ZNF708: variants seen among roughly 807,000 people sequenced by gnomAD.
The protein encoded by ZNF708 is ZNF15, ZNF15L1.
In ZNF708, 44 loss-of-function variants were observed where a neutral mutation model predicts 47.0. That is an observed-to-expected ratio of 0.94 (90% CI 0.74 to 1.20). The LOEUF (loss-of-function observed/expected upper bound fraction) is 1.20, where lower values mean the gene tolerates loss of function less well. Ranked by LOEUF, ZNF708 falls within the 50% of genes most tolerant of loss-of-function variation. ZNF708 has a pLI of 0.00. For synonymous variants in ZNF708, 184 were observed against 218.5 expected (o/e 0.84, Z 1.39); for missense variants, 557 against 656.0 (o/e 0.85, Z 1.65).
chr19:21,312,846 C>T (rs946225010), intron 1 of ZNF708, among the ~76,000 whole-genome samples: 2 of 152,252 alleles, frequency 1.3e-5, no homozygotes, highest in African/African-American at 4.8e-5. Context: ...CAAATAAAGA[C>T]AACCCATCTT....
chr19:21,303,891 T>C (rs1397054700), intron 3 of ZNF708, among the ~76,000 whole-genome samples: 2 of 152,046 alleles, frequency 1.3e-5, no homozygotes, highest in African/African-American at 2.4e-5. Flanking sequence ...TATATGTATG[T>C]ATGTATAAAA....
Position 21,293,977 on chromosome 19 carries a change from T to C in ZNF708, c.989A>G (p.His330Arg). The change falls in exon 4 of 4, where the codon CAT (histidine) becomes CGT (arginine). Residue 330 changes from histidine (H) to arginine (R), a missense_variant. Transcript: ENST00000356929. The stretch of plus-strand genomic sequence containing the variant: ...ACATTTGTAGGGTTTCTCACCAGTA[T>C]GAATCCTCTTATGTGTAGTAAGGTG... The part of the protein sequence containing the change: ...SSHLTTHKRI[H>R]TGEKPYKCEE... 1 of 1,613,034 alleles carries C rather than the reference T, an allele frequency of 6.2e-7. No individual in the cohort carries two copies.
intron 3 of ZNF708, among the ~76,000 whole-genome samples, chr19:21,304,421 G>T (rs1212202893): frequency 6.6e-6 from 1 of 152,056 alleles, no homozygotes; most frequent in Non-Finnish European, 1.5e-5. Flanking sequence ...TTATATTGCA[G>T]CATGAGGTTT....
In ZNF708 at chr19:21,296,217, G is replaced by A. The variant is rs1972523260; in HGVS notation, c.227-1478C>T. On this transcript the variant is annotated intron_variant, in intron 3 of 3. Transcript: ENST00000356929. ...GTGAAAATAATGCAAGTAAAAAGAA[G>A]TGGCCGGGCACAGTGGCTCGTGCCT... Among the ~76,000 whole-genome samples, 5 of 151,894 alleles carry A rather than the reference G, an allele frequency of 3.3e-5. No homozygotes were observed. The South Asian group carries it at 1.0e-3, about 31-fold the overall frequency.
At chr19:21,313,016 T>C (rs1024235840) in intron 1 of ZNF708, among the ~76,000 whole-genome samples, 2 of 150,764 alleles carry the variant, frequency 1.3e-5, no homozygotes, top group African/African-American at 4.9e-5. Flanking sequence ...ACAGGCTGAG[T>C]GCAGTGGCTC....
At chr19:21,301,926 AG>A (rs1486651447) in intron 3 of ZNF708, among the ~76,000 whole-genome samples, 1 of 152,212 alleles carries the variant, frequency 6.6e-6, no homozygotes, top group Non-Finnish European at 1.5e-5. Flanking sequence ...CCATAATAAA[AG>A]GTGTGGGTGT....
At chr19:21,302,331 A>C (rs1972675558) in intron 3 of ZNF708, among the ~76,000 whole-genome samples, 1 of 151,910 alleles carries the variant, frequency 6.6e-6, no homozygotes, top group Non-Finnish European at 1.5e-5. Flanking sequence ...AATCTTCAAT[A>C]TCAATAACTA....
chr19:21,304,789 C>T (rs1449262832), intron 3 of ZNF708, among the ~76,000 whole-genome samples: 1 of 152,130 alleles, frequency 6.6e-6, no homozygotes, highest in Non-Finnish European at 1.5e-5. Flanking sequence ...AAAAGGATCA[C>T]TTGAGCCCAG....
At chr19:21,320,908 G>A (rs1488875714) in intron 1 of ZNF708, among the ~76,000 whole-genome samples, 1 of 151,814 alleles carries the variant, frequency 6.6e-6, no homozygotes, top group African/African-American at 2.4e-5. Flanking sequence ...TTGGGAGGCC[G>A]AGGCGGGTGG....
chr19:21,329,402 T>C lies in ZNF708; in HGVS notation c.-190A>G. On this transcript the variant is annotated 5_prime_UTR_variant, in exon 1 of 4. Coordinates refer to ENST00000356929, the MANE Select transcript of ZNF708 (RefSeq NM_021269.3). The stretch of plus-strand genomic sequence containing the variant: ...AGCCGCCCTGTCCGGTCCAGCTGCG[T>C]GTCTGAGTGAACTGTCCCCAGCTCA... 2.5e-6 allele frequency: 2 copies of C among 790,322 alleles called. No individual in the cohort carries two copies. Among genetic ancestry groups the C allele is most frequent in the Non-Finnish European group, 2.0e-6 (1 of 495,712 alleles). 49.0% of individuals were successfully genotyped at this position (790,322 alleles called of 1,614,324 possible). A position where few individuals can be genotyped will look rare whatever the true frequency, so the allele number is the denominator to read the frequency against.
chr19:21,297,252 A>ATATATACCT (rs1420019667), intron 3 of ZNF708, among the ~76,000 whole-genome samples: 10 of 12,504 alleles, frequency 8.0e-4, no homozygotes, highest in African/African-American at 2.2e-3. Flanking sequence ...AGGTATATAT[A>ATATATACCT]TATATATATA....
chr19:21,305,174 C>A (rs1247979013), intron 3 of ZNF708, among the ~76,000 whole-genome samples: 2 of 151,618 alleles, frequency 1.3e-5, no homozygotes, highest in East Asian at 3.9e-4. Flanking sequence ...CCACGCCCAG[C>A]TAATTTTTGT....
intron 1 of ZNF708, 126 bp downstream of exon 1, chr19:21,329,083 AG>A (rs1973320928): frequency 1.4e-6 from 2 of 1,404,672 alleles, no homozygotes; most frequent in Non-Finnish European, 2.0e-6. Flanking sequence ...AGGCCGAGCT[AG>A]GCAAGGAGAA....
chr19:21,311,565 A>G lies in ZNF708; in HGVS notation c.4-938T>C, dbSNP rs1019359364. 3.3e-5 allele frequency among the ~76,000 whole-genome samples: 5 copies of G among 152,212 alleles called. 1 individual carries two copies. The South Asian group carries it at 8.3e-4, about 25-fold the overall frequency. On this transcript the variant is annotated intron_variant, in intron 1 of 3. Coordinates refer to ENST00000356929, the MANE Select transcript of ZNF708 (RefSeq NM_021269.3). Reference sequence around the variant, plus strand: ...GTTCTGTGCAAAGTTCAAGATAAACATATCTTTCCCGTTTTAATTTTTAAT... The same window carrying G: ...GTTCTGTGCAAAGTTCAAGATAAACGTATCTTTCCCGTTTTAATTTTTAAT...
At chr19:21,319,450 G>GTTT (rs57926804) in intron 1 of ZNF708, among the ~76,000 whole-genome samples, 1 of 147,996 alleles carries the variant, frequency 6.8e-6, no homozygotes, top group Non-Finnish European at 1.5e-5. Context: ...CCTAATATGA[G>GTTT]TTTTTTTTTT....
At chr19:21,297,244 G>GTGTGTATATATATATATATATATA (rs1356825868) in intron 3 of ZNF708, among the ~76,000 whole-genome samples, 6 of 11,998 alleles carry the variant, frequency 5.0e-4, no homozygotes, top group Non-Finnish European at 1.3e-3. Context: ...TGCAAATAAG[G>GTGTGTATATATATATATATATATA]TATATATATA....
intron 3 of ZNF708, among the ~76,000 whole-genome samples, chr19:21,306,533 C>T (rs1972767065): frequency 1.3e-5 from 2 of 152,130 alleles, no homozygotes; most frequent in South Asian, 4.1e-4. Context: ...TCACCTCACA[C>T]CCATTACAAT....
At chr19:21,328,940 G>A (rs1264988271) in intron 1 of ZNF708, among the ~76,000 whole-genome samples, 1 of 152,288 alleles carries the variant, frequency 6.6e-6, no homozygotes, top group Middle Eastern at 3.4e-3. Context: ...ATCTGGGAGA[G>A]GCGCGGCGCT....
chr19:21,303,779 A>T (rs1972705390), intron 3 of ZNF708, among the ~76,000 whole-genome samples: 1 of 151,814 alleles, frequency 6.6e-6, no homozygotes, highest in South Asian at 2.1e-4. Flanking sequence ...ATTAGACATA[A>T]TATGCTTTTA....
Sources: allele counts gnomAD v4.1 joint callset (sites outside exome capture counted in the v4.1 genomes callset), GRCh38; gene constraint gnomAD v4.1.1; transcripts MANE v1.5; gene names NCBI Gene and HGNC (gene_info 2026-07-23, HGNC 2026-07-21).